The following ZDHHC7 variants were observed in gnomAD, a reference collection of about 807,000 sequenced individuals.
ZDHHC7 encodes the protein palmitoyltransferase ZDHHC7.
A neutral mutation model predicts 34.1 loss-of-function variants in ZDHHC7; 12 were observed. The ratio of observed to expected loss-of-function variants is 0.35; its 90% CI spans 0.23 to 0.57. The LOEUF (loss-of-function observed/expected upper bound fraction) is 0.57, where lower values mean the gene tolerates loss of function less well. Among genes scored for constraint, ZDHHC7 ranks in the 20% least tolerant of loss-of-function variants. ZDHHC7 has a pLI of 0.84. For missense variants in ZDHHC7, 388 were observed against 402.7 expected, an observed-to-expected ratio of 0.96 and a Z score of 0.31; for synonymous variants, 185 against 155.4, an observed-to-expected ratio of 1.19 and a Z score of -1.42.
At position 84,975,618 on chromosome 16, in the gene ZDHHC7, CCT is replaced by C. The variant is rs1426825600; in HGVS notation, c.*723_*724del. 1 of 152,690 alleles carries C rather than the reference CCT, an allele frequency of 6.5e-6. No individual in the cohort carries two copies. Among genetic ancestry groups the C allele is most frequent in the Non-Finnish European group, 1.5e-5 (1 of 68,062 alleles). 9.5% of individuals were successfully genotyped at this position (152,690 alleles called of 1,614,324 possible). ...CGGGCAGGACCCCGCGGCTCTCTCC[CCT>C]CTTCCCTGAAACGTCGGTTTCTAAA... On this transcript the variant is annotated 3_prime_UTR_variant, in exon 8 of 8. Transcript: ENST00000313732.
At chr16:84,980,677 C>T (rs549218383) in intron 4 of ZDHHC7, among the ~76,000 whole-genome samples, 94 of 152,134 alleles carry the variant, frequency 6.2e-4, no homozygotes, top group African/African-American at 2.1e-3. Flanking sequence ...CCCCCCATCC[C>T]CAAAAAATTT....
At chr16:85,007,629 G>T (rs1334887951) in intron 1 of ZDHHC7, among the ~76,000 whole-genome samples, 1 of 151,768 alleles carries the variant, frequency 6.6e-6, no homozygotes, top group East Asian at 1.9e-4. Flanking sequence ...CAGGAAGGAG[G>T]GACTGTCTCT....
chr16:85,006,184 C>G (rs9924112), intron 1 of ZDHHC7, among the ~76,000 whole-genome samples: 25,232 of 151,812 alleles, frequency 0.17, 2,135 homozygotes, highest in Middle Eastern at 0.21. Flanking sequence ...TAGCGAGACC[C>G]TATCTCTACA....
At chr16:85,016,076 CCTAAA>C (rs1229147020), upstream of ZDHHC7, among the ~76,000 whole-genome samples, 3 of 152,154 alleles carry the variant, frequency 2.0e-5, no homozygotes, top group African/African-American at 4.8e-5. Flanking sequence ...CACGTCATGG[CCTAAA>C]CTAGTTTTTC....
the ZDHHC7 span, among the ~76,000 whole-genome samples, chr16:85,025,430 G>C: frequency 1.3e-5 from 2 of 151,734 alleles, no homozygotes; most frequent in East Asian, 1.9e-4. Context: ...TGGGGGGGGG[G>C]ACTAAGTCTC....
In ZDHHC7 at chr16:84,988,375, T is replaced by C. The variant is rs148889637; in HGVS notation, c.315+1929A>G. 5.3e-5 allele frequency among the ~76,000 whole-genome samples: 8 copies of C among 152,278 alleles called. No individual in the cohort carries two copies. In the East Asian group the frequency reaches 1.5e-3, roughly 29 times the overall value. ...GTGGATGCACTAAACACCACGGGAC[T>C]ACACACGAGGATGGATTTAGTGCTA... On this transcript the variant is annotated intron_variant, in intron 3 of 7. Coordinates refer to ENST00000313732, the MANE Select transcript of ZDHHC7 (RefSeq NM_017740.3).
upstream of ZDHHC7, among the ~76,000 whole-genome samples, chr16:85,012,775 G>T (rs2072811119): frequency 6.6e-6 from 1 of 151,936 alleles, no homozygotes; most frequent in South Asian, 2.1e-4. Flanking sequence ...TGCAGTTTTG[G>T]GCGCCTGTAA....
chr16:85,021,200 T>C, the ZDHHC7 span, among the ~76,000 whole-genome samples: 1 of 151,196 alleles, frequency 6.6e-6, no homozygotes, highest in Admixed American at 6.6e-5. Context: ...GATCACAAGG[T>C]CAAGAGATGG....
intron 5 of ZDHHC7, 69 bp downstream of exon 5, chr16:84,979,120 C>T (rs866771720): frequency 2.0e-6 from 3 of 1,474,206 alleles, no homozygotes; most frequent in Middle Eastern, 2.3e-4. Flanking sequence ...GATTTCTCTG[C>T]TCCAGGCAAG....
rs1412532073 is a variant in ZDHHC7, at chr16:85,011,287, C to T, written c.-105G>A. ...CCCGGCCCAGCCCGCCGCACTCACC[C>T]GAGGCCCGGGCGGGGTCGCCCGGCG... On this transcript the variant is annotated splice_region_variant and 5_prime_UTR_variant, in exon 1 of 8. Transcript: ENST00000313732. 5.3e-5 allele frequency: 8 copies of T among 151,862 alleles called. No individual in the cohort carries two copies. The highest frequency in any genetic ancestry group is 1.2e-4 in the Non-Finnish European group (8 of 67,934). 9.4% of individuals were successfully genotyped at this position (151,862 alleles called of 1,614,324 possible).
At chr16:85,009,401 G>C (rs751264825) in intron 1 of ZDHHC7, among the ~76,000 whole-genome samples, 1 of 152,014 alleles carries the variant, frequency 6.6e-6, no homozygotes, top group Non-Finnish European at 1.5e-5. Flanking sequence ...TTCTGTTCTT[G>C]AAGAGGATTT....
upstream of ZDHHC7, among the ~76,000 whole-genome samples, chr16:85,015,125 G>C (rs1656826181): frequency 8.0e-5 from 12 of 150,280 alleles, no homozygotes; most frequent in South Asian, 2.5e-3. Flanking sequence ...CTGAGATGGA[G>C]TTTCACGCTT....
At chr16:85,025,170 T>G in the ZDHHC7 span, among the ~76,000 whole-genome samples, 1 of 151,690 alleles carries the variant, frequency 6.6e-6, no homozygotes, top group Non-Finnish European at 1.5e-5. Flanking sequence ...CCCAGCTACT[T>G]GGGAGGCTAA....
intron 5 of ZDHHC7, 109 bp downstream of exon 5, chr16:84,979,080 G>A: frequency 3.8e-6 from 4 of 1,060,556 alleles, no homozygotes; most frequent in Non-Finnish European, 5.3e-6. Flanking sequence ...CTGGAGAAAA[G>A]GCTGGAGAGA....
At chr16:85,008,715 A>C (rs927270001) in intron 1 of ZDHHC7, among the ~76,000 whole-genome samples, 2 of 151,644 alleles carry the variant, frequency 1.3e-5, no homozygotes, top group Non-Finnish European at 2.9e-5. Flanking sequence ...AGTGAAAATG[A>C]CAGTTTTGAC....
At chr16:84,978,371 G>A (rs1475483138) in intron 5 of ZDHHC7, among the ~76,000 whole-genome samples, 1 of 152,152 alleles carries the variant, frequency 6.6e-6, no homozygotes, top group Non-Finnish European at 1.5e-5. Context: ...AAAAAATGAG[G>A]GAAGGATTAA....
intron 3 of ZDHHC7, among the ~76,000 whole-genome samples, chr16:84,984,857 G>A (rs74031099): frequency 0.015 from 2,350 of 152,206 alleles, 63 homozygotes; most frequent in African/African-American, 0.054. Flanking sequence ...CAGAAACAGA[G>A]ACCATATGCA....
At chr16:84,983,364 C>G (rs1253368671) in intron 3 of ZDHHC7, among the ~76,000 whole-genome samples, 1 of 152,202 alleles carries the variant, frequency 6.6e-6, no homozygotes, top group Non-Finnish European at 1.5e-5. Flanking sequence ...AGCCACAGAT[C>G]TGAACCTCTG....
At chr16:85,025,003 G>A in the ZDHHC7 span, among the ~76,000 whole-genome samples, 9 of 152,266 alleles carry the variant, frequency 5.9e-5, no homozygotes, top group South Asian at 2.1e-4. Flanking sequence ...GAGGCCAGGC[G>A]TGGTGGCTCA....
Sources: gnomAD v4.1 joint callset for allele counts (sites outside exome capture counted in the v4.1 genomes callset) on GRCh38, gnomAD v4.1.1 for gene constraint, MANE v1.5 for transcripts, NCBI Gene and HGNC (gene_info 2026-07-23, HGNC 2026-07-21) for gene names.